KIF21B: variants seen among roughly 807,000 people sequenced by gnomAD.
KIF21B encodes the protein kinesin family member 21B, also known as kinesin-like protein KIF21B.
Under a neutral mutation model 192.9 loss-of-function variants are expected in KIF21B, and 85 were observed. That is an observed-to-expected ratio of 0.44 (90% CI 0.37 to 0.53). The LOEUF is 0.53. KIF21B is among the 20% of genes least tolerant of loss of function. The pLI is 0.00. For synonymous variants in KIF21B, 832 were observed against 884.6 expected (o/e 0.94, Z 1.05); for missense variants, 1,716 against 2,194.8 (o/e 0.78, Z 4.36).
chr1:201,011,320 C>T (rs990641254), intron 1 of KIF21B, among the ~76,000 whole-genome samples: 1 of 152,238 alleles, frequency 6.6e-6, no homozygotes, highest in Non-Finnish European at 1.5e-5. Context: ...CTAAACACTA[C>T]CATGGATTAA....
At position 201,004,451 on chromosome 1, in the gene KIF21B, GC is replaced by G; in HGVS notation, c.904del (p.Ala302ProfsTer5). 1 of 1,569,590 alleles carries G rather than the reference GC, an allele frequency of 6.4e-7. No individual in the cohort carries two copies. The highest frequency in any genetic ancestry group is 8.6e-7 in the Non-Finnish European group (1 of 1,156,172). ...EGISINCGLL[A>X]LGNVISALGD... The stretch of plus-strand genomic sequence containing the variant: ...TAAGGCGCTGATCACATTGCCCAAG[GC>G]CAGCTGTGGGAGACAGACCCTGGCA... On this transcript the variant is annotated frameshift_variant, in exon 7 of 35. Transcript: ENST00000461742. LOFTEE classifies it high-confidence loss of function.
Position 201,023,463 on chromosome 1 carries a change from CG to C in KIF21B, c.-81del. 9.0e-7 allele frequency: 1 copy of C among 1,108,138 alleles called. No individual in the cohort carries two copies. The highest frequency in any genetic ancestry group is 3.3e-5 in the South Asian group (1 of 29,986). The allele number at this position is 1,108,138 out of a possible 1,614,324, so 68.6% of individuals were successfully genotyped here. Reference sequence around the variant, plus strand: ...ATGCCCGAGGCAGCGGCTGCGGCTGCGGGAGGCGGGGGCGCGGGCGCGGCTG... The same window carrying C: ...ATGCCCGAGGCAGCGGCTGCGGCTGCGGAGGCGGGGGCGCGGGCGCGGCTG... On this transcript the variant is annotated 5_prime_UTR_variant, in exon 1 of 35. The change abolishes the stop of an existing upstream ORF in the 5' untranslated region. Coordinates refer to ENST00000461742, the MANE Select transcript of KIF21B (RefSeq NM_001252102.2). The surrounding 1 kb of genome is among the most constrained non-coding windows in gnomAD (Gnocchi z 5.9).
chr1:201,020,804 C>CTACACACACACACACACACA (rs1658773940), intron 1 of KIF21B, among the ~76,000 whole-genome samples: 1 of 141,336 alleles, frequency 7.1e-6, no homozygotes, highest in African/African-American at 2.7e-5. Context: ...GGACCTCTCT[C>CTACACACACACACACACACA]CTCTACACAC....
intron 27 of KIF21B, 37 bp downstream of exon 27, chr1:200,984,822 C>G: frequency 6.9e-7 from 1 of 1,451,320 alleles, no homozygotes; most frequent in Non-Finnish European, 9.3e-7. Flanking sequence ...ATTGCCACCT[C>G]AGTGCCCTCC....
chr1:201,001,287 G>A (rs573564247), intron 9 of KIF21B: 1 of 155,166 alleles, frequency 6.4e-6, no homozygotes, highest in Non-Finnish European at 1.4e-5. Context: ...CAAGAAACTG[G>A]AAACAACCTA....
intron 28 of KIF21B, among the ~76,000 whole-genome samples, chr1:200,981,959 T>G (rs1311198793): frequency 2.6e-5 from 4 of 152,022 alleles, no homozygotes; most frequent in Admixed American, 2.6e-4. Flanking sequence ...TGTCTGAAAA[T>G]ATATCCTAGC....
chr1:201,019,609 A>G (rs2102484798), intron 1 of KIF21B, among the ~76,000 whole-genome samples: 1 of 152,294 alleles, frequency 6.6e-6, no homozygotes, highest in Middle Eastern at 3.4e-3. Flanking sequence ...TCAGGCAGGC[A>G]GGCTGGGTGG....
At chr1:201,007,671 CAT>C (rs1428327919) in intron 3 of KIF21B, among the ~76,000 whole-genome samples, 10 of 150,868 alleles carry the variant, frequency 6.6e-5, no homozygotes, top group African/African-American at 1.7e-4. Context: ...CACAGAGACA[CAT>C]AGACACACGC....
At chr1:200,993,538 G>C (rs1162494431) in intron 15 of KIF21B, among the ~76,000 whole-genome samples, 1 of 152,128 alleles carries the variant, frequency 6.6e-6, no homozygotes, top group African/African-American at 2.4e-5. Context: ...CTTGATTCTA[G>C]GAGTTCAAGA....
At chr1:200,978,863 T>A (rs1557998211) in intron 30 of KIF21B, among the ~76,000 whole-genome samples, 1 of 152,134 alleles carries the variant, frequency 6.6e-6, no homozygotes, top group African/African-American at 2.4e-5. Flanking sequence ...ACTAAAAATT[T>A]TTTTTTTGTA....
At chr1:200,977,510 G>A in intron 30 of KIF21B, 134 bp from the exon 31 acceptor site, 1 of 1,081,238 alleles carries the variant, frequency 9.2e-7, no homozygotes, top group Non-Finnish European at 1.3e-6. Flanking sequence ...TGACAGAGAA[G>A]AGCAATAGCT....
Position 200,998,017 on chromosome 1 carries a change from G to A in KIF21B, c.2077+367C>T, listed in dbSNP as rs1657190319. On this transcript the variant is annotated intron_variant, in intron 14 of 34. Coordinates refer to ENST00000461742, the MANE Select transcript of KIF21B (RefSeq NM_001252102.2). The surrounding 1 kb of genome is among the most constrained non-coding windows in gnomAD (Gnocchi z 4.3). ...TGAATGAATAAAAAATGGAATGAAT[G>A]GGCTGAAGAGCAGCATAATGAAGAT... Among the ~76,000 whole-genome samples, 1 of 152,148 alleles carries A rather than the reference G, an allele frequency of 6.6e-6. No homozygotes were observed. Among genetic ancestry groups the A allele is most frequent in the Non-Finnish European group, 1.5e-5 (1 of 68,024 alleles).
intron 31 of KIF21B, 70 bp from the exon 32 acceptor site, chr1:200,976,963 GC>G (rs1359611093): frequency 1.6e-6 from 2 of 1,218,714 alleles, no homozygotes; most frequent in Non-Finnish European, 2.4e-6. Flanking sequence ...TGGGGTGTCT[GC>G]CCCAAAACAA....
At position 200,990,291 on chromosome 1, in the gene KIF21B, C is replaced by T. The variant is rs1302664638; in HGVS notation, c.2877G>A (p.Arg959=). ...ELFLLQEALR[R]KRERLQAESP... ...TCTCAGCCTGCAGCCGCTCCCGCTT[C>T]CTCCGCAGTGCCTCCTGCAGGAGGA... Residue 959 remains arginine, a synonymous_variant, in exon 20 of 35, where the codon AGG becomes AGA. Coordinates refer to ENST00000461742, the MANE Select transcript of KIF21B (RefSeq NM_001252102.2). This position sits in a 1 kb window ranked among gnomAD's most constrained non-coding sequence, Gnocchi z 5.4. The T allele has an allele frequency of 6.2e-7, 1 of 1,613,340 alleles. No individual in the cohort carries two copies. Among genetic ancestry groups the T allele is most frequent in the African/African-American group, 1.3e-5 (1 of 74,926 alleles).
In KIF21B at chr1:200,990,522, G is replaced by A. The variant is rs1269614692; in HGVS notation, c.2835+54C>T. On this transcript the variant is annotated intron_variant, in intron 19 of 34. Coordinates refer to ENST00000461742, the MANE Select transcript of KIF21B (RefSeq NM_001252102.2). The surrounding 1 kb of genome is among the most constrained non-coding windows in gnomAD (Gnocchi z 5.4). ...CTGAAGAGCCAGAGAAGTTGGAGGT[G>A]TCAGAGGACAGGCAGAGGGGTGGAA... 7 of 1,593,374 alleles carry A rather than the reference G, an allele frequency of 4.4e-6. No individual in the cohort carries two copies. The East Asian group carries it at 1.3e-4, about 31-fold the overall frequency.
rs376534585 is a variant in KIF21B at position 200,977,396 on chromosome 1, A to T, written c.4161-20T>A. Reference sequence around the variant, plus strand: ...GAGGACCTGCCCATCGGAGAAAGGCAAGGCCAGAGGTCAAAACAATCCATG... The same window carrying T: ...GAGGACCTGCCCATCGGAGAAAGGCTAGGCCAGAGGTCAAAACAATCCATG... On this transcript the variant is annotated intron_variant, in intron 30 of 34. Coordinates refer to ENST00000461742, the MANE Select transcript of KIF21B (RefSeq NM_001252102.2). 21 of 1,611,840 alleles carry T rather than the reference A, an allele frequency of 1.3e-5. No homozygotes were observed. Among genetic ancestry groups the T allele is most frequent in the Non-Finnish European group, 1.8e-5 (21 of 1,178,294 alleles).
In KIF21B at chr1:201,015,066, T is replaced by C. The variant is rs113396711; in HGVS notation, c.42-5578A>G. ...CTTTGCACATGTTAGGTCATTACAT[T>C]ATATCATTTAGTTCTAAGGTGGGTG... On this transcript the variant is annotated intron_variant, in intron 1 of 34. Coordinates refer to ENST00000461742, the MANE Select transcript of KIF21B (RefSeq NM_001252102.2). 4.5e-3 allele frequency among the ~76,000 whole-genome samples: 692 copies of C among 152,350 alleles called. 6 individuals are homozygous for C. Among genetic ancestry groups the C allele is most frequent in the African/African-American group, 0.016 (664 of 41,572 alleles).
Position 201,009,266 on chromosome 1 carries a change from C to T in KIF21B, c.264G>A (p.Gln88=). The T allele has an allele frequency of 6.2e-7, 1 of 1,613,790 alleles. No homozygotes were observed. Among genetic ancestry groups the T allele is most frequent in the Non-Finnish European group, 8.5e-7 (1 of 1,179,762 alleles). The change falls in exon 2 of 35, where the codon CAG becomes CAA. Residue 88 remains glutamine (Q), a splice_region_variant and synonymous_variant. Transcript: ENST00000461742. ...ATAGGTGGGCGTGAAGATGGCTTAC[C>T]TGCCCATAGGCCAGCACCGTGGCAT... ...GYNATVLAYG[Q]TGAGKTYTMG...
intron 9 of KIF21B, 87 bp downstream of exon 9, chr1:201,002,074 A>T: frequency 8.6e-7 from 1 of 1,167,652 alleles, no homozygotes; most frequent in East Asian, 2.4e-5. Context: ...TGGCTGGCTT[A>T]GTCCACCTGA....
Sources: allele counts gnomAD v4.1 joint callset (sites outside exome capture counted in the v4.1 genomes callset), GRCh38; gene constraint gnomAD v4.1.1; non-coding constraint Gnocchi (gnomAD v3.1); transcripts MANE v1.5; gene names NCBI Gene and HGNC (gene_info 2026-07-23, HGNC 2026-07-21).